APAF1: variants seen among roughly 807,000 people sequenced by gnomAD.
APAF1 encodes the protein apoptotic protease-activating factor 1.
Under a neutral mutation model 152.4 loss-of-function variants are expected in APAF1, and 91 were observed. The ratio of observed to expected loss-of-function variants is 0.60; its 90% CI spans 0.50 to 0.71. APAF1 has a LOEUF of 0.71. APAF1 is among the 30% of genes least tolerant of loss of function. The pLI, the probability that APAF1 is intolerant of heterozygous loss-of-function variation, is 0.00. For synonymous variants in APAF1, 484 were observed against 494.1 expected, an observed-to-expected ratio of 0.98 and a Z score of 0.27; for missense variants, 1,283 against 1,472.0, an observed-to-expected ratio of 0.87 and a Z score of 2.10.
At chr12:98,709,756 A>T (rs1251268317) in intron 20 of APAF1, among the ~76,000 whole-genome samples, 1 of 152,180 alleles carries the variant, frequency 6.6e-6, no homozygotes, top group Non-Finnish European at 1.5e-5. Flanking sequence ...GCCAGATAAG[A>T]AGGGCAGGAG....
chr12:98,674,682 A>G (rs186942839), intron 12 of APAF1, among the ~76,000 whole-genome samples: 11 of 152,296 alleles, frequency 7.2e-5, no homozygotes, highest in African/African-American at 2.6e-4. Context: ...CAGCTCTGCT[A>G]TTGATTAGTT....
chr12:98,659,192 G>A lies in APAF1; in HGVS notation c.559G>A (p.Val187Ile). 1 of 1,614,204 alleles carries A rather than the reference G, an allele frequency of 6.2e-7. No homozygotes were observed. The highest frequency in any genetic ancestry group is 8.5e-7 in the Non-Finnish European group (1 of 1,180,042). Residue 187 changes from valine to isoleucine, a missense_variant, in exon 5 of 27, where the codon GTT (valine) becomes ATT (isoleucine). Val to Ile is a conservative substitution (Grantham distance 29). Coordinates refer to ENST00000551964, the MANE Select transcript of APAF1 (RefSeq NM_181861.2). ...CFPGGVHWVS[V>I]GKQDKSGLLM... Reference sequence around the variant, plus strand: ...CCCAGGGGGAGTGCATTGGGTTTCAGTTGGGAAACAAGACAAATCTGGGCT... The same window carrying A: ...CCCAGGGGGAGTGCATTGGGTTTCAATTGGGAAACAAGACAAATCTGGGCT...
chr12:98,685,055 G>C (rs941345633), intron 15 of APAF1, among the ~76,000 whole-genome samples: 2 of 152,166 alleles, frequency 1.3e-5, no homozygotes, highest in African/African-American at 4.8e-5. Flanking sequence ...GGATAAAGGA[G>C]TCAAAGATAG....
intron 7 of APAF1, 107 bp downstream of exon 7, chr12:98,662,913 C>G: frequency 9.8e-7 from 1 of 1,024,402 alleles, no homozygotes; most frequent in Non-Finnish European, 1.4e-6. Flanking sequence ...CATCCAAAAA[C>G]TTTTCTGGGA....
Position 98,699,518 on chromosome 12 carries a change from G to A in APAF1, c.2415G>A (p.Ser805=), listed in dbSNP as rs202216630. The part of the protein sequence containing the change: ...EDMEVIVKCC[S]WSADGARIMV... ...TGGAAGTGATAGTGAAGTGTTGTTCGTGGTCTGCTGATGGTGCAAGGATAA... is the reference window on the plus strand; with the variant it reads ...TGGAAGTGATAGTGAAGTGTTGTTCATGGTCTGCTGATGGTGCAAGGATAA... The change falls in exon 17 of 27, where the codon TCG becomes TCA. Residue 805 remains serine (S), a synonymous_variant. Coordinates refer to ENST00000551964, the MANE Select transcript of APAF1 (RefSeq NM_181861.2). 58 of 1,614,170 alleles carry A rather than the reference G, an allele frequency of 3.6e-5. No homozygotes were observed. In the East Asian group the frequency reaches 9.1e-4, roughly 25 times the overall value.
At chr12:98,661,406 A>G (rs1476933235) in intron 5 of APAF1, among the ~76,000 whole-genome samples, 1 of 152,142 alleles carries the variant, frequency 6.6e-6, no homozygotes, top group East Asian at 1.9e-4. Flanking sequence ...TTAATCTCTC[A>G]GTCTCATTTG....
At chr12:98,689,819 A>G (rs760458871) in intron 16 of APAF1, among the ~76,000 whole-genome samples, 8 of 152,162 alleles carry the variant, frequency 5.3e-5, no homozygotes, top group South Asian at 2.1e-4. Flanking sequence ...CTGAGTACAT[A>G]TATCTATCTA....
intron 10 of APAF1, among the ~76,000 whole-genome samples, chr12:98,668,378 G>C (rs1485697446): frequency 6.6e-6 from 1 of 152,150 alleles, no homozygotes; most frequent in Non-Finnish European, 1.5e-5. Context: ...ATGGATAGTG[G>C]AAAAGTATAT....
Position 98,707,711 on chromosome 12 carries a change from T to TATATATATATATATATATATAC in APAF1, c.2722-873_2722-872insTATATATATATATATATATACA, listed in dbSNP as rs200051674. Among the ~76,000 whole-genome samples, 3 of 149,996 alleles carry TATATATATATATATATATATAC rather than the reference T, an allele frequency of 2.0e-5. No homozygotes were observed. The South Asian group carries it at 6.3e-4, about 32-fold the overall frequency. Reference sequence around the variant, plus strand: ...AAAGTACTATATATATATATATATATACATATAAATTTACTAATTCTCACA... The same window carrying TATATATATATATATATATATAC: ...AAAGTACTATATATATATATATATATATATATATATATATATATATACACATATAAATTTACTAATTCTCACA... On this transcript the variant is annotated intron_variant, in intron 19 of 26. Coordinates refer to ENST00000551964, the MANE Select transcript of APAF1 (RefSeq NM_181861.2).
At chr12:98,722,046 C>T (rs185696909) in intron 22 of APAF1, among the ~76,000 whole-genome samples, 123 of 152,296 alleles carry the variant, frequency 8.1e-4, no homozygotes, top group African/African-American at 2.8e-3. Flanking sequence ...TGGATACCTT[C>T]CCAACCTTTT....
chr12:98,732,992 G>T lies in APAF1; in HGVS notation c.*426G>T, dbSNP rs115805629. 0.019 allele frequency: 3,508 copies of T among 185,864 alleles called. 97 individuals are homozygous for T. The highest frequency in any genetic ancestry group is 0.06 in the African/African-American group (2,500 of 41,814). The allele number at this position is 185,864 out of a possible 1,614,324, so 11.5% of individuals were successfully genotyped here. A position where few individuals can be genotyped will look rare whatever the true frequency, so the allele number is the denominator to read the frequency against. ...TTTTTGAACCACACTTACCCCAAGG[G>T]GGTTTTGTTCTCCTAAATACAATCT... On this transcript the variant is annotated 3_prime_UTR_variant, in exon 27 of 27. Coordinates refer to ENST00000551964, the MANE Select transcript of APAF1 (RefSeq NM_181861.2).
At chr12:98,701,837 T>C (rs1340034720) in intron 17 of APAF1, among the ~76,000 whole-genome samples, 1 of 152,248 alleles carries the variant, frequency 6.6e-6, no homozygotes, top group Non-Finnish European at 1.5e-5. Flanking sequence ...TATGTGAGTC[T>C]ACTCCTATTG....
rs987276468 is a variant in APAF1, at chr12:98,733,148, T to G, written c.*582T>G. 6.5e-6 allele frequency: 1 copy of G among 153,648 alleles called. No homozygotes were observed. Among genetic ancestry groups the G allele is most frequent in the African/African-American group, 2.4e-5 (1 of 41,392 alleles). The allele number at this position is 153,648 out of a possible 1,614,324, so 9.5% of individuals were successfully genotyped here. On this transcript the variant is annotated 3_prime_UTR_variant, in exon 27 of 27. Coordinates refer to ENST00000551964, the MANE Select transcript of APAF1 (RefSeq NM_181861.2). ...CAGGCCCCCCCACCTTTTTTTTTTG[T>G]TTTTGGAGACAGAGTCTTGCTTTGT...
intron 18 of APAF1, 44 bp from the exon 19 acceptor site, chr12:98,706,441 A>G (rs773265772): frequency 1.1e-5 from 17 of 1,611,680 alleles, no homozygotes; most frequent in Middle Eastern, 1.6e-4. Context: ...TCTCTTCAAA[A>G]TGCTTATGTA....
intron 4 of APAF1, among the ~76,000 whole-genome samples, chr12:98,652,441 A>G (rs115701358): frequency 6.6e-6 from 1 of 152,300 alleles, no homozygotes; most frequent in African/African-American, 2.4e-5. Flanking sequence ...TTTCTCTGGT[A>G]ACTCAAGTTT....
rs747297304 is a variant in APAF1, at chr12:98,667,505, G to C, written c.1363-8G>C. ...TTCTGGCTTCTGAAACGTTTCATTGGGTTGCAGGATCTACATAAGAAGATA... is the reference window on the plus strand; with the variant it reads ...TTCTGGCTTCTGAAACGTTTCATTGCGTTGCAGGATCTACATAAGAAGATA... On this transcript the variant is annotated splice_region_variant and splice_polypyrimidine_tract_variant and intron_variant, in intron 9 of 26. Transcript: ENST00000551964. The C allele has an allele frequency of 6.2e-7, 1 of 1,613,146 alleles. No individual in the cohort carries two copies. Among genetic ancestry groups the C allele is most frequent in the Non-Finnish European group, 8.5e-7 (1 of 1,179,786 alleles).
chr12:98,680,160 A>G (rs2097690804), intron 13 of APAF1, 117 bp from the exon 14 acceptor site: 1 of 1,060,712 alleles, frequency 9.4e-7, no homozygotes, highest in South Asian at 1.6e-5. Flanking sequence ...AGCTTTGCCA[A>G]GGTTCCTTTC....
At chr12:98,704,420 A>C (rs2097719146) in intron 18 of APAF1, among the ~76,000 whole-genome samples, 1 of 152,218 alleles carries the variant, frequency 6.6e-6, no homozygotes, top group African/African-American at 2.4e-5. Flanking sequence ...CAGGCTCCTC[A>C]TCAAGGGAGC....
At chr12:98,707,959 T>A (rs1422969061) in intron 19 of APAF1, among the ~76,000 whole-genome samples, 1 of 152,156 alleles carries the variant, frequency 6.6e-6, no homozygotes, top group Non-Finnish European at 1.5e-5. Context: ...TTCTTTTTGT[T>A]TTTTTGAGAC....
Sources: allele counts gnomAD v4.1 joint callset (sites outside exome capture counted in the v4.1 genomes callset), GRCh38; gene constraint gnomAD v4.1.1; transcripts MANE v1.5; gene names NCBI Gene and HGNC (gene_info 2026-07-23, HGNC 2026-07-21).